The following SMYD3 variants were observed in gnomAD, a reference collection of about 807,000 sequenced individuals.
SMYD3 encodes histone-lysine N-methyltransferase SMYD3.
A neutral mutation model predicts 57.7 loss-of-function variants in SMYD3; 36 were observed. The observed-to-expected ratio is 0.62, with a 90% CI of 0.48 to 0.82. SMYD3 has a LOEUF of 0.82. SMYD3 is among the 40% of genes least tolerant of loss of function. The pLI, the probability that SMYD3 is intolerant of heterozygous loss-of-function variation, is 0.00. For missense variants in SMYD3, 515 were observed against 538.8 expected, an observed-to-expected ratio of 0.96 and a Z score of 0.44; for synonymous variants, 211 against 195.0, an observed-to-expected ratio of 1.08 and a Z score of -0.68.
At chr1:245,772,146 T>C (rs74379612) in intron 10 of SMYD3, among the ~76,000 whole-genome samples, 3,455 of 152,306 alleles carry the variant, frequency 0.023, 144 homozygotes, top group African/African-American at 0.078. Flanking sequence ...ATATGTACTA[T>C]TGGCCTCATA....
chr1:245,915,721 T>A (rs2055359986), intron 7 of SMYD3, 81 bp from the exon 8 acceptor site: 1 of 900,876 alleles, frequency 1.1e-6, no homozygotes, highest in South Asian at 1.9e-5. Flanking sequence ...TATTGCTAAT[T>A]ATTGGAGTAA....
At chr1:246,100,712 C>A (rs12561961) in intron 5 of SMYD3, among the ~76,000 whole-genome samples, 3,204 of 152,224 alleles carry the variant, frequency 0.021, 141 homozygotes, top group East Asian at 0.15. Flanking sequence ...CCTGAGCATC[C>A]TGGGACAGAG....
intron 5 of SMYD3, among the ~76,000 whole-genome samples, chr1:246,041,126 G>C (rs141881223): frequency 6.6e-6 from 1 of 152,110 alleles, no homozygotes; most frequent in Non-Finnish European, 1.5e-5. Flanking sequence ...CATGCTGTTC[G>C]GGTTTATAGC....
At chr1:245,828,845 G>A (rs1486840130) in intron 10 of SMYD3, among the ~76,000 whole-genome samples, 2 of 152,078 alleles carry the variant, frequency 1.3e-5, no homozygotes, top group African/African-American at 4.8e-5. Flanking sequence ...TGGGATTACA[G>A]GCATGAGCCC....
intron 5 of SMYD3, among the ~76,000 whole-genome samples, chr1:246,307,609 CG>C (rs2065006828): frequency 6.6e-6 from 1 of 151,616 alleles, no homozygotes; most frequent in African/African-American, 2.4e-5. Context: ...TTAGTAGAGA[CG>C]GGGTTTCACC....
chr1:246,293,136 T>C (rs941393978), intron 5 of SMYD3, among the ~76,000 whole-genome samples: 1 of 151,050 alleles, frequency 6.6e-6, no homozygotes, highest in Non-Finnish European at 1.5e-5. Flanking sequence ...CGAGAAAGGA[T>C]TGTGAATCCC....
intron 5 of SMYD3, among the ~76,000 whole-genome samples, chr1:246,244,960 C>A (rs2063675714): frequency 6.6e-6 from 1 of 152,152 alleles, no homozygotes; most frequent in Non-Finnish European, 1.5e-5. Flanking sequence ...TTTCAATTTT[C>A]TTTAATTCTG....
rs1253225553 is a variant in SMYD3 at position 246,368,693 on chromosome 1, C to T, written c.165-13599G>A. Reference sequence around the variant, plus strand: ...GAGTCAGTGGACTGGGAAAGGCAGACCCCCCCTCAACCTGGGTGGGCACCA... The same window carrying T: ...GAGTCAGTGGACTGGGAAAGGCAGATCCCCCCTCAACCTGGGTGGGCACCA... On this transcript the variant is annotated intron_variant, in intron 1 of 11. Coordinates refer to ENST00000490107, the MANE Select transcript of SMYD3 (RefSeq NM_001167740.2). 2.6e-5 allele frequency among the ~76,000 whole-genome samples: 4 copies of T among 152,128 alleles called. No individual in the cohort carries two copies. In the South Asian group the frequency reaches 8.3e-4, roughly 32 times the overall value.
At chr1:246,049,594 C>T (rs865970314) in intron 5 of SMYD3, among the ~76,000 whole-genome samples, 19 of 152,020 alleles carry the variant, frequency 1.2e-4, no homozygotes, top group African/African-American at 2.7e-4. Context: ...CGTGAGCCAC[C>T]GCGTCCGGCC....
chr1:246,215,917 A>G (rs568268022), intron 5 of SMYD3, among the ~76,000 whole-genome samples: 3 of 152,242 alleles, frequency 2.0e-5, no homozygotes, highest in Non-Finnish European at 2.9e-5. Context: ...TATTTTTTCT[A>G]TTGTATACTC....
At chr1:246,234,038 T>A (rs370623930) in intron 5 of SMYD3, among the ~76,000 whole-genome samples, 4 of 124,778 alleles carry the variant, frequency 3.2e-5, no homozygotes, top group Admixed American at 8.9e-5. Flanking sequence ...CAATCCACAC[T>A]GTGATGAACA....
intron 1 of SMYD3, chr1:246,483,906 G>A (rs2068147004): frequency 6.6e-6 from 1 of 152,162 alleles, no homozygotes; most frequent in African/African-American, 2.4e-5. Context: ...TGTAACAGAT[G>A]CCACTCCCAA....
chr1:245,817,841 T>G (rs1460793884), intron 10 of SMYD3, among the ~76,000 whole-genome samples: 1 of 151,906 alleles, frequency 6.6e-6, no homozygotes, highest in Non-Finnish European at 1.5e-5. Flanking sequence ...AAGGGAAGTT[T>G]AGAGAAAAAA....
At chr1:246,002,601 C>A (rs529180431) in intron 5 of SMYD3, among the ~76,000 whole-genome samples, 1 of 132,162 alleles carries the variant, frequency 7.6e-6, no homozygotes, top group African/African-American at 2.8e-5. Context: ...TACAGGCGCC[C>A]GCCACCACGC....
chr1:246,070,477 T>C (rs2787969), intron 5 of SMYD3, among the ~76,000 whole-genome samples: 42,883 of 152,112 alleles, frequency 0.28, 6,599 homozygotes, highest in East Asian at 0.4. Context: ...TTCCATTTTG[T>C]CTTTTTAAAG....
intron 5 of SMYD3, among the ~76,000 whole-genome samples, chr1:246,166,229 G>C (rs965288293): frequency 1.3e-5 from 2 of 152,150 alleles, no homozygotes; most frequent in Non-Finnish European, 2.9e-5. Context: ...TATACTGAAC[G>C]TGAAAAACCC....
intron 1 of SMYD3, among the ~76,000 whole-genome samples, chr1:246,398,070 C>T (rs2066704278): frequency 6.6e-6 from 1 of 152,046 alleles, no homozygotes; most frequent in Non-Finnish European, 1.5e-5. Context: ...CTCAAAAGAC[C>T]AATCTTAGGC....
intron 1 of SMYD3, among the ~76,000 whole-genome samples, chr1:246,469,207 T>C (rs1373110088): frequency 6.6e-6 from 1 of 152,140 alleles, no homozygotes; most frequent in African/African-American, 2.4e-5. Context: ...ACAATCACTC[T>C]CATCTATCTG....
At chr1:245,892,753 A>G (rs1046526887) in intron 8 of SMYD3, among the ~76,000 whole-genome samples, 2 of 152,260 alleles carry the variant, frequency 1.3e-5, no homozygotes, top group African/African-American at 4.8e-5. Context: ...AAATTCCTAA[A>G]TGTAAAACCT....
Sources: gnomAD v4.1 joint callset for allele counts (sites outside exome capture counted in the v4.1 genomes callset) on GRCh38, gnomAD v4.1.1 for gene constraint, MANE v1.5 for transcripts, NCBI Gene and HGNC (gene_info 2026-07-23, HGNC 2026-07-21) for gene names.